The following PRSS55 variants were observed in gnomAD, a reference collection of about 807,000 sequenced individuals.
PRSS55 encodes the protein probable serine protease UNQ9391/PRO34284.
Under a neutral mutation model 23.6 loss-of-function variants are expected in PRSS55, and 41 were observed. That is an observed-to-expected ratio of 1.74 (90% CI 1.35 to 2.26). The LOEUF (loss-of-function observed/expected upper bound fraction) is 2.26, where lower values mean the gene tolerates loss of function less well. PRSS55 is among the 30% of genes most tolerant of loss of function. The pLI is 0.00. For missense variants in PRSS55, 669 were observed against 439.1 expected, an observed-to-expected ratio of 1.52 and a Z score of -4.68; for synonymous variants, 262 against 175.5, an observed-to-expected ratio of 1.49 and a Z score of -3.90.
Position 10,538,343 on chromosome 8 carries a change from G to A in PRSS55, c.742-133G>A, listed in dbSNP as rs567430242. On this transcript the variant is annotated intron_variant, in intron 4 of 4. Coordinates refer to ENST00000328655, the MANE Select transcript of PRSS55 (RefSeq NM_198464.4). Reference sequence around the variant, plus strand: ...AACCTGGCAGCCACATGCTTCTCCCGTGGAGCAGGGATGGGGTGGGTTGGC... The same window carrying A: ...AACCTGGCAGCCACATGCTTCTCCCATGGAGCAGGGATGGGGTGGGTTGGC... 256 of 687,242 alleles carry A rather than the reference G, an allele frequency of 3.7e-4. 1 individual carries two copies. In the East Asian group the frequency reaches 5.0e-3, roughly 13 times the overall value. 42.6% of individuals were successfully genotyped at this position (687,242 alleles called of 1,614,324 possible).
intron 4 of PRSS55, among the ~76,000 whole-genome samples, chr8:10,537,861 A>AG (rs1390546175): frequency 2.0e-5 from 3 of 152,168 alleles, no homozygotes; most frequent in African/African-American, 7.2e-5. Flanking sequence ...GGTGGACGGA[A>AG]GGATGTGGGG....
At chr8:10,538,898 T>G, downstream of PRSS55, 1 of 1,228,630 alleles carries the variant, frequency 8.1e-7, no homozygotes, top group Non-Finnish European at 1.1e-6. Flanking sequence ...AAATTGAGGC[T>G]GGGACCAGGA....
At position 10,532,923 on chromosome 8, in the gene PRSS55, A is replaced by G. The variant is rs1445577183; in HGVS notation, c.616A>G (p.Lys206Glu). 3 of 1,614,182 alleles carry G rather than the reference A, an allele frequency of 1.9e-6. No individual in the cohort carries two copies. Among genetic ancestry groups the G allele is most frequent in the Non-Finnish European group, 2.5e-6 (3 of 1,180,030 alleles). ...TGGGCCAGCTGACAAAAACTCTGTG[A>G]AAACGGATCTGATGAAAGCGCCAAT... Reference protein sequence around the residue: ...QTNAADKNSVKTDLMKAPMVI... With the variant: ...QTNAADKNSVETDLMKAPMVI... Residue 206 changes from lysine to glutamate, a missense_variant, in exon 4 of 5, where the codon AAA becomes GAA. Coordinates refer to ENST00000328655, the MANE Select transcript of PRSS55 (RefSeq NM_198464.4).
intron 4 of PRSS55, among the ~76,000 whole-genome samples, chr8:10,536,479 C>G (rs898205870): frequency 6.6e-6 from 1 of 152,178 alleles, no homozygotes; most frequent in Admixed American, 6.5e-5. Flanking sequence ...GAACTTAAAA[C>G]ACAACTACCA....
chr8:10,548,976 G>A (rs1184267282), intron 4 of PRSS55, among the ~76,000 whole-genome samples: 1 of 152,182 alleles, frequency 6.6e-6, no homozygotes, highest in Non-Finnish European at 1.5e-5. Context: ...TCGGAACGCA[G>A]CCACGCCTCT....
intron 3 of PRSS55, 44 bp downstream of exon 3, chr8:10,531,589 T>A (rs749936350): frequency 1.2e-6 from 2 of 1,604,804 alleles, no homozygotes; most frequent in East Asian, 2.2e-5. Context: ...GCCACTGCAA[T>A]GTGAAGGAGA....
chr8:10,539,230 T>A (rs1812567728), downstream of PRSS55, among the ~76,000 whole-genome samples: 1 of 152,160 alleles, frequency 6.6e-6, no homozygotes, highest in Non-Finnish European at 1.5e-5. Context: ...GAAGTTAGTC[T>A]CTTAGTTCTA....
At chr8:10,534,952 G>T (rs920697080) in intron 4 of PRSS55, among the ~76,000 whole-genome samples, 1 of 152,164 alleles carries the variant, frequency 6.6e-6, no homozygotes, top group Non-Finnish European at 1.5e-5. Context: ...AATCAAAAAT[G>T]CAATCCCATT....
At chr8:10,538,892 T>C, downstream of PRSS55, 7 of 1,272,220 alleles carry the variant, frequency 5.5e-6, no homozygotes, top group Non-Finnish European at 7.5e-6. Context: ...GGATGGAAAT[T>C]GAGGCTGGGA....
chr8:10,547,515 C>G (rs1353509015), intron 4 of PRSS55: 1 of 153,050 alleles, frequency 6.5e-6, no homozygotes, highest in East Asian at 1.9e-4. Context: ...GCCTCAGCCT[C>G]CTGCCTTCCT....
intron 4 of PRSS55, among the ~76,000 whole-genome samples, chr8:10,537,312 G>C (rs887604587): frequency 6.6e-6 from 1 of 152,160 alleles, no homozygotes; most frequent in Non-Finnish European, 1.5e-5. Context: ...ATGAAATCCT[G>C]TCCTTTACAA....
At chr8:10,527,433 G>C (rs1233840505) in intron 1 of PRSS55, among the ~76,000 whole-genome samples, 2 of 152,222 alleles carry the variant, frequency 1.3e-5, no homozygotes, top group African/African-American at 4.8e-5. Context: ...ACCAGAGTCA[G>C]GCAAAAGGGA....
intron 4 of PRSS55, 44 bp downstream of exon 4, chr8:10,533,092 C>G: frequency 6.2e-7 from 1 of 1,600,200 alleles, no homozygotes; most frequent in Non-Finnish European, 8.5e-7. Flanking sequence ...TCCTCACCCT[C>G]TGGGAACTGC....
chr8:10,536,637 G>C (rs1812463950), intron 4 of PRSS55, among the ~76,000 whole-genome samples: 1 of 152,110 alleles, frequency 6.6e-6, no homozygotes, highest in Non-Finnish European at 1.5e-5. Context: ...ATGGTGAACT[G>C]GATAAAGAAA....
rs548262793 is a variant in PRSS55, at chr8:10,531,431, C to T, written c.484C>T (p.Leu162=). Residue 162 remains leucine, a synonymous_variant, in exon 3 of 5, where the codon CTG becomes TTG. Transcript: ENST00000328655. ...GGACAATGACATTGCCTTGCTGCTG[C>T]TGGCTTCGCCCATCAAGCTCGATGA... is the stretch of plus-strand genomic sequence containing the variant. ...NMDNDIALLL[L]ASPIKLDDLK... 5 of 1,614,218 alleles carry T rather than the reference C, an allele frequency of 3.1e-6. No individual in the cohort carries two copies. The highest frequency in any genetic ancestry group is 4.2e-6 in the Non-Finnish European group (5 of 1,180,052).
At chr8:10,552,075 G>A (rs1038133997) in intron 4 of PRSS55, among the ~76,000 whole-genome samples, 18 of 152,204 alleles carry the variant, frequency 1.2e-4, no homozygotes, top group Non-Finnish European at 2.4e-4. Context: ...AAGCCTTCAT[G>A]TGCTCTGTGC....
At chr8:10,543,806 G>C (rs534076602), downstream of PRSS55, among the ~76,000 whole-genome samples, 1 of 152,086 alleles carries the variant, frequency 6.6e-6, no homozygotes, top group Admixed American at 6.5e-5. Flanking sequence ...TTATTTAAGA[G>C]TGTGCTGTTT....
chr8:10,541,366 A>T (rs1262372826), downstream of PRSS55: 1 of 152,238 alleles, frequency 6.6e-6, no homozygotes, highest in African/African-American at 2.4e-5. Flanking sequence ...CCTGAGTAGG[A>T]CAAAAATGAT....
chr8:10,551,074 C>T (rs1812940871), intron 4 of PRSS55, among the ~76,000 whole-genome samples: 1 of 152,248 alleles, frequency 6.6e-6, no homozygotes, highest in African/African-American at 2.4e-5. Context: ...TCAGAAGGTC[C>T]TGCAAGTGAT....
Sources: gnomAD v4.1 joint callset for allele counts (sites outside exome capture counted in the v4.1 genomes callset) on GRCh38, gnomAD v4.1.1 for gene constraint, MANE v1.5 for transcripts, NCBI Gene and HGNC (gene_info 2026-07-23, HGNC 2026-07-21) for gene names.